The following CDH12 variants were observed in gnomAD, a reference collection of about 807,000 sequenced individuals.
CDH12 encodes cadherin-12.
CDH12 carries 41 observed loss-of-function variants against 74.1 expected under a neutral mutation model. The observed-to-expected ratio is 0.55, with a 90% CI of 0.43 to 0.72. CDH12 has a LOEUF of 0.72. Among genes scored for constraint, CDH12 ranks in the 30% least tolerant of loss-of-function variants. The pLI is 0.00. For synonymous variants in CDH12, 399 were observed against 355.0 expected (o/e 1.12, Z -1.39); for missense variants, 945 against 977.2 (o/e 0.97, Z 0.44).
At chr5:22,531,160 A>T (rs1019715006) in intron 1 of CDH12, among the ~76,000 whole-genome samples, 6 of 152,166 alleles carry the variant, frequency 3.9e-5, no homozygotes, top group Admixed American at 3.3e-4. Context: ...GGACCACAAT[A>T]TGCTAAAGAC....
intron 1 of CDH12, among the ~76,000 whole-genome samples, chr5:22,608,378 C>T (rs758786690): frequency 7.9e-5 from 12 of 152,122 alleles, no homozygotes; most frequent in Non-Finnish European, 1.5e-4. Context: ...TCATTTTGAT[C>T]GATTTCTCCC....
intron 4 of CDH12, among the ~76,000 whole-genome samples, chr5:22,122,041 C>T (rs1215407544): frequency 6.6e-6 from 1 of 152,036 alleles, no homozygotes; most frequent in Non-Finnish European, 1.5e-5. Flanking sequence ...AAAAAAAATA[C>T]TTATTAGGTC....
intron 12 of CDH12, among the ~76,000 whole-genome samples, chr5:21,761,983 CT>C (rs1561161771): frequency 6.6e-6 from 1 of 152,116 alleles, no homozygotes; most frequent in Non-Finnish European, 1.5e-5. Context: ...AATGTGGCAA[CT>C]TAGTCAATGA....
At chr5:22,337,398 C>G (rs1206864447) in intron 3 of CDH12, among the ~76,000 whole-genome samples, 1 of 152,020 alleles carries the variant, frequency 6.6e-6, no homozygotes, top group Non-Finnish European at 1.5e-5. Context: ...TATGGTTTGG[C>G]CCTGTGTCTC....
At chr5:21,922,274 A>G (rs1754387961) in intron 6 of CDH12, among the ~76,000 whole-genome samples, 1 of 152,198 alleles carries the variant, frequency 6.6e-6, no homozygotes, top group Non-Finnish European at 1.5e-5. Context: ...AGAGTACAGG[A>G]TCATATAAAA....
At chr5:21,856,340 A>T (rs192527582) in intron 6 of CDH12, among the ~76,000 whole-genome samples, 8 of 151,802 alleles carry the variant, frequency 5.3e-5, no homozygotes, top group African/African-American at 1.4e-4. Context: ...CCTCCACTAT[A>T]CATGTGTAAT....
intron 6 of CDH12, among the ~76,000 whole-genome samples, chr5:21,929,603 A>G (rs1754744794): frequency 6.6e-6 from 1 of 151,704 alleles, no homozygotes; most frequent in Non-Finnish European, 1.5e-5. Flanking sequence ...TGCAGCCTCA[A>G]CCTCCCCAAC....
chr5:22,419,519 A>G (rs759360053), intron 2 of CDH12, among the ~76,000 whole-genome samples: 18 of 152,098 alleles, frequency 1.2e-4, no homozygotes, highest in Non-Finnish European at 2.6e-4. Context: ...CATGGTGTAT[A>G]TGTACCACAT....
chr5:22,409,178 C>T (rs1343330446), intron 2 of CDH12, among the ~76,000 whole-genome samples: 1 of 152,008 alleles, frequency 6.6e-6, no homozygotes, highest in Non-Finnish European at 1.5e-5. Flanking sequence ...TTAGCACTCT[C>T]GTCTTGATAT....
At chr5:22,731,909 T>C (rs1419781424) in intron 1 of CDH12, among the ~76,000 whole-genome samples, 1 of 151,768 alleles carries the variant, frequency 6.6e-6, no homozygotes, top group Non-Finnish European at 1.5e-5. Flanking sequence ...AACTTAGTAA[T>C]AACCTAAATT....
intron 5 of CDH12, among the ~76,000 whole-genome samples, chr5:22,030,546 G>T (rs1738746852): frequency 1.3e-5 from 2 of 152,104 alleles, no homozygotes; most frequent in South Asian, 4.1e-4. Context: ...TGTCATCCAG[G>T]GTTTGTTGTT....
intron 1 of CDH12, among the ~76,000 whole-genome samples, chr5:22,698,231 C>T (rs765993208): frequency 6.8e-6 from 1 of 146,786 alleles, no homozygotes; most frequent in African/African-American, 2.5e-5. Flanking sequence ...AAGCAATTCT[C>T]CTGCCTCAGC....
At position 21,802,259 on chromosome 5, in the gene CDH12, G is replaced by A; in HGVS notation, c.1164C>T (p.Leu388=). ...VDEPPVFSKP[L]YTMEVYEDTP... ...TGTCTTCATAAACCTCCATGGTGTA[G>A]AGCGGCTTGCTGAAAACCGGTGGCT... Residue 388 remains leucine, a synonymous_variant, in exon 10 of 15, where the codon CTC becomes CTT. Coordinates refer to ENST00000382254, the MANE Select transcript of CDH12 (RefSeq NM_004061.5). 6 of 1,613,964 alleles carry A rather than the reference G, an allele frequency of 3.7e-6. No homozygotes were observed. Among genetic ancestry groups the A allele is most frequent in the Non-Finnish European group, 5.1e-6 (6 of 1,179,972 alleles).
intron 7 of CDH12, among the ~76,000 whole-genome samples, chr5:21,845,464 C>T (rs1750113275): frequency 6.6e-6 from 1 of 152,024 alleles, no homozygotes; most frequent in Non-Finnish European, 1.5e-5. Flanking sequence ...GAGTCCCTAA[C>T]CTTCTCCAAA....
chr5:22,228,686 C>T (rs1366090811), intron 3 of CDH12, among the ~76,000 whole-genome samples: 4 of 152,052 alleles, frequency 2.6e-5, no homozygotes, highest in African/African-American at 9.7e-5. Context: ...TTAATGAAAA[C>T]ACGAGCATGA....
At chr5:22,323,853 G>T (rs768430427) in intron 3 of CDH12, among the ~76,000 whole-genome samples, 17 of 152,116 alleles carry the variant, frequency 1.1e-4, no homozygotes, top group Non-Finnish European at 2.1e-4. Flanking sequence ...CTAGAGCACT[G>T]GTTTAGGTTT....
chr5:21,878,574 CAAAA>C (rs55681202), intron 6 of CDH12, among the ~76,000 whole-genome samples: 1 of 119,752 alleles, frequency 8.4e-6, no homozygotes, highest in African/African-American at 3.2e-5. Flanking sequence ...ACCAAAAATA[CAAAA>C]AAAAAAAAAA....
chr5:22,358,888 A>C (rs1010714106), intron 3 of CDH12, among the ~76,000 whole-genome samples: 1 of 152,202 alleles, frequency 6.6e-6, no homozygotes, highest in African/African-American at 2.4e-5. Context: ...TGTTTAATTC[A>C]TATCAGAAAA....
chr5:22,299,313 T>C (rs1319209966), intron 3 of CDH12, among the ~76,000 whole-genome samples: 1 of 152,082 alleles, frequency 6.6e-6, no homozygotes, highest in Non-Finnish European at 1.5e-5. Flanking sequence ...TGTAGTGCCC[T>C]GGAAAGACCT....
Sources: gnomAD v4.1 joint callset for allele counts (sites outside exome capture counted in the v4.1 genomes callset) on GRCh38, gnomAD v4.1.1 for gene constraint, MANE v1.5 for transcripts, NCBI Gene and HGNC (gene_info 2026-07-23, HGNC 2026-07-21) for gene names.